The following CHSY3 variants were observed in gnomAD, a reference collection of about 807,000 sequenced individuals.
CHSY3 encodes the protein chondroitin sulfate synthase 3, also known as N-acetylgalactosaminyl-proteoglycan 3-beta-glucuronosyltransferase 3.
CHSY3 carries 35 observed loss-of-function variants against 67.2 expected under a neutral mutation model. The observed-to-expected ratio is 0.52, with a 90% CI of 0.40 to 0.69. CHSY3 has a LOEUF of 0.69. Ranked by LOEUF, CHSY3 falls within the 30% of genes least tolerant of loss-of-function variation. The pLI, the probability that CHSY3 is intolerant of heterozygous loss-of-function variation, is 0.00. For synonymous variants in CHSY3, 474 were observed against 434.7 expected (o/e 1.09, Z -1.12); for missense variants, 1,069 against 1,138.5 (o/e 0.94, Z 0.88).
intron 2 of CHSY3, among the ~76,000 whole-genome samples, chr5:130,127,384 A>G (rs965037785): frequency 6.6e-5 from 10 of 152,202 alleles, no homozygotes; most frequent in African/African-American, 1.9e-4. Context: ...AAATCTGAAG[A>G]AAAAGGAAAG....
chr5:130,072,277 G>C (rs757400829), intron 2 of CHSY3, among the ~76,000 whole-genome samples: 2 of 152,066 alleles, frequency 1.3e-5, no homozygotes, highest in Non-Finnish European at 2.9e-5. Flanking sequence ...TAGCTTTACA[G>C]TTTCAGGTCT....
chr5:130,023,747 A>C (rs1483874344), intron 2 of CHSY3, among the ~76,000 whole-genome samples: 1 of 152,024 alleles, frequency 6.6e-6, no homozygotes, highest in Non-Finnish European at 1.5e-5. Context: ...CAGGGCTTAC[A>C]TGTAACACCC....
chr5:130,025,194 G>C (rs1405801586), intron 2 of CHSY3, among the ~76,000 whole-genome samples: 2 of 152,154 alleles, frequency 1.3e-5, no homozygotes, highest in Non-Finnish European at 1.5e-5. Flanking sequence ...GTATGAGAGA[G>C]AGTGGTGAAA....
At chr5:130,057,337 A>T (rs1765567734) in intron 2 of CHSY3, among the ~76,000 whole-genome samples, 1 of 152,090 alleles carries the variant, frequency 6.6e-6, no homozygotes, top group African/African-American at 2.4e-5. Flanking sequence ...ATATTTTGTG[A>T]TTCTGACATC....
Position 129,904,996 on chromosome 5 carries a change from G to A in CHSY3, c.167G>A (p.Arg56His), listed in dbSNP as rs1164363971. The change falls in exon 1 of 3, where the codon CGC becomes CAC. Residue 56 changes from arginine to histidine, a missense_variant. Around this residue, in one of 5 missense-constraint regions of CHSY3, gnomAD observed 309 missense variants for 262.5 expected, o/e 1.18. Coordinates refer to ENST00000305031, the MANE Select transcript of CHSY3 (RefSeq NM_175856.5). The stretch of plus-strand genomic sequence containing the variant: ...TACGGTCGCTCTGCTGCTGGCCCCC[G>A]CGCCGGCGCTCAGCAGCCGCTCCCC... ...SYYGRSAAGPRAGAQQPLPQP... is the reference protein window; with the variant it reads ...SYYGRSAAGPHAGAQQPLPQP... 1.9e-6 allele frequency: 3 copies of A among 1,567,012 alleles called. No individual in the cohort carries two copies. Among genetic ancestry groups the A allele is most frequent in the African/African-American group, 2.7e-5 (2 of 73,750 alleles).
intron 2 of CHSY3, among the ~76,000 whole-genome samples, chr5:130,143,328 G>T (rs1248116985): frequency 6.6e-6 from 1 of 152,078 alleles, no homozygotes; most frequent in Non-Finnish European, 1.5e-5. Flanking sequence ...CTAGGAAAAA[G>T]AAGCAGACCA....
At chr5:130,037,984 G>C (rs940689847) in intron 2 of CHSY3, among the ~76,000 whole-genome samples, 1 of 152,012 alleles carries the variant, frequency 6.6e-6, no homozygotes, top group Non-Finnish European at 1.5e-5. Flanking sequence ...TTAAAAAATT[G>C]TGTGAGAGGA....
At chr5:130,048,325 A>T (rs1765216652) in intron 2 of CHSY3, among the ~76,000 whole-genome samples, 1 of 152,144 alleles carries the variant, frequency 6.6e-6, no homozygotes, top group African/African-American at 2.4e-5. Flanking sequence ...TGAAATATAT[A>T]GCTACTCCCT....
At chr5:130,135,255 G>A (rs1768623254) in intron 2 of CHSY3, among the ~76,000 whole-genome samples, 1 of 150,796 alleles carries the variant, frequency 6.6e-6, no homozygotes, top group Non-Finnish European at 1.5e-5. Context: ...ATATGTATAA[G>A]TTTAATAAGT....
At chr5:129,998,323 T>G (rs947165061) in intron 2 of CHSY3, among the ~76,000 whole-genome samples, 5 of 152,212 alleles carry the variant, frequency 3.3e-5, no homozygotes, top group Non-Finnish European at 5.9e-5. Context: ...GGAACTAATT[T>G]TATTAAAATT....
chr5:129,977,872 A>C (rs1762861650), intron 2 of CHSY3, among the ~76,000 whole-genome samples: 1 of 151,830 alleles, frequency 6.6e-6, no homozygotes, highest in Non-Finnish European at 1.5e-5. Context: ...AAGAAGTAAA[A>C]AAAAAAAAAA....
intron 2 of CHSY3, among the ~76,000 whole-genome samples, chr5:129,934,297 G>A (rs962480639): frequency 2.6e-5 from 4 of 151,848 alleles, no homozygotes; most frequent in East Asian, 3.9e-4. Context: ...GGGCTGTGGG[G>A]GCACTACCTT....
At chr5:130,133,824 A>G (rs1276929264) in intron 2 of CHSY3, among the ~76,000 whole-genome samples, 2 of 149,772 alleles carry the variant, frequency 1.3e-5, no homozygotes, top group African/African-American at 4.9e-5. Flanking sequence ...TGTCAACCTA[A>G]GAGAGAGAGC....
intron 2 of CHSY3, among the ~76,000 whole-genome samples, chr5:129,930,681 C>G (rs1463499179): frequency 6.6e-6 from 1 of 151,904 alleles, no homozygotes; most frequent in Non-Finnish European, 1.5e-5. Flanking sequence ...AGAGGAAACC[C>G]GAGACCCTTA....
At chr5:130,058,375 C>G (rs993537863) in intron 2 of CHSY3, among the ~76,000 whole-genome samples, 2 of 152,108 alleles carry the variant, frequency 1.3e-5, no homozygotes, top group Non-Finnish European at 2.9e-5. Context: ...CACCTGTAAT[C>G]CCAGCACTTT....
chr5:130,033,022 C>T (rs1029613430), intron 2 of CHSY3, among the ~76,000 whole-genome samples: 2 of 152,158 alleles, frequency 1.3e-5, no homozygotes, highest in Non-Finnish European at 2.9e-5. Flanking sequence ...GAAGACTGTG[C>T]CTTTGGCTTA....
At chr5:129,970,995 A>G (rs1762626391) in intron 2 of CHSY3, among the ~76,000 whole-genome samples, 1 of 151,858 alleles carries the variant, frequency 6.6e-6, no homozygotes, top group African/African-American at 2.4e-5. Context: ...AAGGCTTATT[A>G]TAGTATGTGC....
At chr5:130,110,804 A>G (rs1167600576) in intron 2 of CHSY3, among the ~76,000 whole-genome samples, 1 of 152,014 alleles carries the variant, frequency 6.6e-6, no homozygotes, top group Non-Finnish European at 1.5e-5. Flanking sequence ...TCTGTATATT[A>G]TATCCCTGAT....
chr5:129,915,072 A>G (rs1214523314), intron 2 of CHSY3, among the ~76,000 whole-genome samples: 1 of 152,106 alleles, frequency 6.6e-6, no homozygotes, highest in African/African-American at 2.4e-5. Flanking sequence ...TCTCTTTTCT[A>G]TTTAGTGAAT....
Sources: gnomAD v4.1 joint callset for allele counts (sites outside exome capture counted in the v4.1 genomes callset) on GRCh38, gnomAD v4.1.1 for gene constraint, gnomAD v4.1.1 regional missense constraint, MANE v1.5 for transcripts, NCBI Gene and HGNC (gene_info 2026-07-23, HGNC 2026-07-21) for gene names.